The following HOOK1 variants were observed in gnomAD, a reference collection of about 807,000 sequenced individuals.
The protein encoded by HOOK1 is protein Hook homolog 1.
Under a neutral mutation model 112.8 loss-of-function variants are expected in HOOK1, and 60 were observed. The observed-to-expected ratio is 0.53, with a 90% confidence interval of 0.43 to 0.66. The LOEUF is 0.66. Ranked by LOEUF, HOOK1 falls within the 30% of genes least tolerant of loss-of-function variation. The probability of loss-of-function intolerance (pLI) is 0.00; values close to 1 mark genes in which losing one functional copy is unlikely to be tolerated. For missense variants in HOOK1, 770 were observed against 856.0 expected, an observed-to-expected ratio of 0.90 and a Z score of 1.25; for synonymous variants, 294 against 283.8, an observed-to-expected ratio of 1.04 and a Z score of -0.36.
rs139376784 is a variant in HOOK1 at position 59,844,066 on chromosome 1, C to T, written c.788+468C>T. On this transcript the variant is annotated intron_variant, in intron 9 of 21. Coordinates refer to ENST00000371208, the MANE Select transcript of HOOK1 (RefSeq NM_015888.6). ...TGTGTGCATACCACTCAGCCATGAACTATAAGACCTTGAGGACAGGCACTC... is the reference window on the plus strand; with the variant it reads ...TGTGTGCATACCACTCAGCCATGAATTATAAGACCTTGAGGACAGGCACTC... Among the ~76,000 whole-genome samples the T allele has an allele frequency of 2.4e-4, 36 of 152,084 alleles. 1 individual carries two copies. The highest frequency in any genetic ancestry group is 5.0e-4 in the Non-Finnish European group (34 of 67,918).
At chr1:59,867,333 C>T (rs1643983121) in intron 19 of HOOK1, among the ~76,000 whole-genome samples, 1 of 152,042 alleles carries the variant, frequency 6.6e-6, no homozygotes, top group African/African-American at 2.4e-5. Context: ...GGGTAGGCAC[C>T]ATGTCTCCAA....
At chr1:59,825,767 T>C (rs1372010010) in intron 2 of HOOK1, among the ~76,000 whole-genome samples, 1 of 152,168 alleles carries the variant, frequency 6.6e-6, no homozygotes, top group Non-Finnish European at 1.5e-5. Context: ...CCCAATAGAT[T>C]TTTACTTTGC....
chr1:59,865,078 G>T, intron 17 of HOOK1, 85 bp from the exon 18 acceptor site: 1 of 798,186 alleles, frequency 1.3e-6, no homozygotes, highest in Non-Finnish European at 2.2e-6. Flanking sequence ...CACAGATGAG[G>T]AACCAAGGGT....
chr1:59,856,234 C>T (rs1051178629), intron 12 of HOOK1, among the ~76,000 whole-genome samples: 1 of 150,258 alleles, frequency 6.7e-6, no homozygotes, highest in Non-Finnish European at 1.5e-5. Flanking sequence ...CATGAGCTAC[C>T]ACAACCAGCC....
chr1:59,829,310 A>T (rs1258458061), intron 3 of HOOK1, among the ~76,000 whole-genome samples: 2 of 152,034 alleles, frequency 1.3e-5, no homozygotes, highest in Non-Finnish European at 2.9e-5. Flanking sequence ...TCACTTGTTG[A>T]TGGATGTTTG....
intron 1 of HOOK1, among the ~76,000 whole-genome samples, chr1:59,818,694 G>A: frequency 6.6e-6 from 1 of 152,264 alleles, no homozygotes; most frequent in East Asian, 1.9e-4. Flanking sequence ...TGCATTCTTT[G>A]ACAGGCAGAT....
intron 1 of HOOK1, among the ~76,000 whole-genome samples, chr1:59,820,039 C>T (rs1024550247): frequency 1.3e-5 from 2 of 152,218 alleles, no homozygotes; most frequent in African/African-American, 2.4e-5. Context: ...TCACTATCTG[C>T]TCTCCAAAAT....
In HOOK1 at chr1:59,848,516, G is replaced by T. The variant is rs1309394249; in HGVS notation, c.1131G>T (p.Gln377His). ...CACAATTAGAAACATACAAAAGGCA[G>T]GTAAGAAACATCTTAATTTTTAATT... ...ARTQLETYKR[Q>H]VQDLHVKLSS... The change falls in exon 11 of 22, where the codon CAG becomes CAT. Residue 377 changes from glutamine to histidine, a missense_variant and splice_region_variant. Gln to His is a conservative substitution (Grantham distance 24). Coordinates refer to ENST00000371208, the MANE Select transcript of HOOK1 (RefSeq NM_015888.6). 6.3e-7 allele frequency: 1 copy of T among 1,592,796 alleles called. No homozygotes were observed. The highest frequency in any genetic ancestry group is 2.2e-5 in the East Asian group (1 of 44,606).
At position 59,858,472 on chromosome 1, in the gene HOOK1, G is replaced by A; in HGVS notation, c.1287G>A (p.Glu429=). 1 of 1,613,482 alleles carries A rather than the reference G, an allele frequency of 6.2e-7. No homozygotes were observed. The highest frequency in any genetic ancestry group is 8.5e-7 in the Non-Finnish European group (1 of 1,179,442). ...QRDTLKETNE[E]LRCSQVQQDH... is the part of the protein sequence containing the mutation. ...ATACTTTGAAAGAAACAAATGAAGAGCTTCGATGTTCACAAGTACAACAGG... is the reference window on the plus strand; with the variant it reads ...ATACTTTGAAAGAAACAAATGAAGAACTTCGATGTTCACAAGTACAACAGG... Residue 429 remains glutamate (E), a synonymous_variant, in exon 13 of 22, where the codon GAG becomes GAA. Transcript: ENST00000371208.
Position 59,845,567 on chromosome 1 carries a change from TTTTG to T in HOOK1, c.789-1474_789-1471del, listed in dbSNP as rs375638873. ...CCTTGTTTCCACCCTGCTAAAAGTT[TTTTG>T]TTTTTGTTTTTTTTTTCAATCATGA... On this transcript the variant is annotated intron_variant, in intron 9 of 21. Transcript: ENST00000371208. 4.0e-3 allele frequency among the ~76,000 whole-genome samples: 603 copies of T among 151,922 alleles called. 3 individuals carry two copies. Among genetic ancestry groups the T allele is most frequent in the African/African-American group, 0.014 (572 of 41,516 alleles).
intron 10 of HOOK1, 40 bp from the exon 11 acceptor site, chr1:59,848,275 C>T: frequency 7.2e-7 from 1 of 1,396,142 alleles, no homozygotes; most frequent in Middle Eastern, 1.8e-4. Context: ...TGAGTATATA[C>T]TAGTTTTTGT....
At position 59,872,933 on chromosome 1, in the gene HOOK1, T is replaced by C. The variant is rs1264863877; in HGVS notation, c.2155T>C (p.Ser719Pro). The change falls in exon 22 of 22, where the codon TCT becomes CCT. Residue 719 changes from serine (S) to proline (P), a missense_variant. Physicochemically the swap from Ser to Pro is moderately conservative, Grantham distance 74. Around this residue, in one of 3 missense-constraint regions of HOOK1, gnomAD observed 111 missense variants for 111.8 expected, o/e 0.99. Coordinates refer to ENST00000371208, the MANE Select transcript of HOOK1 (RefSeq NM_015888.6). ...RHITNTRRNL[S>P]VKVPATTSD ...CATCACCAACACCAGAAGAAATCTCTCTGTTAAAGTCCCTGCTACAACATC... is the reference window on the plus strand; with the variant it reads ...CATCACCAACACCAGAAGAAATCTCCCTGTTAAAGTCCCTGCTACAACATC... The C allele has an allele frequency of 9.9e-6, 15 of 1,513,652 alleles. No homozygotes were observed. 93.8% of individuals were successfully genotyped at this position (1,513,652 alleles called of 1,614,324 possible).
intron 17 of HOOK1, chr1:59,864,952 T>C: frequency 3.5e-6 from 2 of 568,820 alleles, no homozygotes; most frequent in South Asian, 5.4e-5. Context: ...TATTTTACTT[T>C]CTTAGGAAGC....
chr1:59,824,088 C>T (rs1301873925), intron 2 of HOOK1, among the ~76,000 whole-genome samples: 13 of 152,128 alleles, frequency 8.5e-5, no homozygotes, highest in Non-Finnish European at 1.9e-4. Flanking sequence ...AAGTCTGGAT[C>T]CTGGATAGTG....
chr1:59,870,959 T>C (rs1031018045), intron 20 of HOOK1, 83 bp from the exon 21 acceptor site: 25 of 904,714 alleles, frequency 2.8e-5, no homozygotes, highest in Non-Finnish European at 4.3e-5. Flanking sequence ...CTCTCAATAA[T>C]GAACATAGTG....
Position 59,847,176 on chromosome 1 carries a change from A to T in HOOK1, c.920A>T (p.Asp307Val), listed in dbSNP as rs374976241. The change falls in exon 10 of 22, where the codon GAT becomes GTT. Residue 307 changes from aspartate to valine, a missense_variant. Around this residue, in one of 3 missense-constraint regions of HOOK1, gnomAD observed 655 missense variants for 725.9 expected, o/e 0.90. Coordinates refer to ENST00000371208, the MANE Select transcript of HOOK1 (RefSeq NM_015888.6). ...ACAAGAGCCCTGAAAGATGAAATAG[A>T]TGTTCTTAGGTATGGCATGTCTTAA... The part of the protein sequence containing the change: ...EETRALKDEI[D>V]VLRATSDKAN... The T allele has an allele frequency of 2.3e-5, 37 of 1,602,870 alleles. No individual in the cohort carries two copies. Among genetic ancestry groups the T allele is most frequent in the Middle Eastern group, 3.3e-4 (2 of 6,020 alleles).
chr1:59,855,654 G>T (rs887338084), intron 12 of HOOK1, among the ~76,000 whole-genome samples: 5 of 151,526 alleles, frequency 3.3e-5, no homozygotes, highest in Non-Finnish European at 7.4e-5. Context: ...ATAAAATTTG[G>T]CAAGTTTTTA....
intron 12 of HOOK1, among the ~76,000 whole-genome samples, chr1:59,857,920 A>G (rs2098411554): frequency 6.6e-6 from 1 of 152,186 alleles, no homozygotes; most frequent in South Asian, 2.1e-4. Context: ...GAGTTTCACA[A>G]CAGTGGTAAA....
In HOOK1 at chr1:59,816,473, G is replaced by T. The variant is rs1213576340; in HGVS notation, c.63+1293G>T. Among the ~76,000 whole-genome samples the T allele has an allele frequency of 2.6e-5, 4 of 152,312 alleles. No individual in the cohort carries two copies. In the South Asian group the frequency reaches 6.2e-4, roughly 24 times the overall value. ...TGTTAAAACAGACTAATTAAAGGGTGTATCCGAATCTGCTACATTATTGTA... is the reference window on the plus strand; with the variant it reads ...TGTTAAAACAGACTAATTAAAGGGTTTATCCGAATCTGCTACATTATTGTA... On this transcript the variant is annotated intron_variant, in intron 1 of 21. Coordinates refer to ENST00000371208, the MANE Select transcript of HOOK1 (RefSeq NM_015888.6).
Sources: gnomAD v4.1 joint callset for allele counts (sites outside exome capture counted in the v4.1 genomes callset) on GRCh38, gnomAD v4.1.1 for gene constraint, gnomAD v4.1.1 regional missense constraint, MANE v1.5 for transcripts, NCBI Gene and HGNC (gene_info 2026-07-23, HGNC 2026-07-21) for gene names.